Variants in DNAH8 observed in about 807,000 individuals in gnomAD.
DNAH8 encodes the protein axonemal beta dynein heavy chain 8.
Under a neutral mutation model 562.1 loss-of-function variants are expected in DNAH8, and 382 were observed. The ratio of observed to expected loss-of-function variants is 0.68; its 90% CI spans 0.63 to 0.74. The LOEUF (loss-of-function observed/expected upper bound fraction) is 0.74. DNAH8 is among the 30% of genes least tolerant of loss of function. The pLI is 0.00. For synonymous variants in DNAH8, 1,881 were observed against 1,919.4 expected (o/e 0.98, Z 0.52); for missense variants, 5,203 against 5,620.4 (o/e 0.93, Z 2.37).
chr6:38,922,681 A>G (rs537689431), intron 71 of DNAH8, among the ~76,000 whole-genome samples: 1 of 152,302 alleles, frequency 6.6e-6, no homozygotes, highest in African/African-American at 2.4e-5. Context: ...TTTCCAGGAG[A>G]AAATACTTTG....
At chr6:38,907,379 A>G (rs1260289851) in intron 63 of DNAH8, among the ~76,000 whole-genome samples, 1 of 152,244 alleles carries the variant, frequency 6.6e-6, no homozygotes, top group Non-Finnish European at 1.5e-5. Flanking sequence ...CCAAAGTTCC[A>G]GATTCCTAGA....
chr6:38,782,991 C>T lies in DNAH8; in HGVS notation c.2260-13C>T. On this transcript the variant is annotated splice_polypyrimidine_tract_variant and intron_variant, in intron 16 of 92. Transcript: ENST00000327475. ...CAGTCTTTTAAAGTAAATCTTTTCC[C>T]TTAAAAAAACAGAAAAACTCAGACA... 1 of 1,606,620 alleles carries T rather than the reference C, an allele frequency of 6.2e-7. No homozygotes were observed. Among genetic ancestry groups the T allele is most frequent in the Non-Finnish European group, 8.5e-7 (1 of 1,176,692 alleles).
At chr6:38,839,483 A>T (rs1157581996) in intron 33 of DNAH8, among the ~76,000 whole-genome samples, 2 of 151,438 alleles carry the variant, frequency 1.3e-5, no homozygotes, top group East Asian at 3.9e-4. Context: ...CCTCCCAGGT[A>T]GTGGGGATTA....
chr6:38,899,694 C>A, intron 61 of DNAH8, 82 bp from the exon 62 acceptor site: 1 of 1,480,606 alleles, frequency 6.8e-7, no homozygotes, highest in South Asian at 1.2e-5. Context: ...AACATATGAT[C>A]AAAACTTGGG....
chr6:38,987,201 G>C (rs534809762), intron 87 of DNAH8, among the ~76,000 whole-genome samples: 1 of 152,174 alleles, frequency 6.6e-6, no homozygotes, highest in East Asian at 1.9e-4. Flanking sequence ...TGTCTGAGCC[G>C]GGAGCACACG....
intron 11 of DNAH8, among the ~76,000 whole-genome samples, chr6:38,767,438 A>AG (rs1453063114): frequency 1.6e-5 from 1 of 63,390 alleles, no homozygotes; most frequent in South Asian, 4.7e-4. Context: ...ACTCCATCTC[A>AG]GGAAAAAAAA....
At chr6:39,020,074 G>C (rs892570922) in intron 91 of DNAH8, among the ~76,000 whole-genome samples, 1 of 152,178 alleles carries the variant, frequency 6.6e-6, no homozygotes, top group Non-Finnish European at 1.5e-5. Context: ...GCATAAACTA[G>C]CTCAAGGAAA....
intron 45 of DNAH8, among the ~76,000 whole-genome samples, chr6:38,865,325 T>G (rs936287898): frequency 1.3e-5 from 2 of 152,204 alleles, no homozygotes; most frequent in Non-Finnish European, 2.9e-5. Context: ...TCTGAAGTAT[T>G]GATTATAAGT....
intron 32 of DNAH8, among the ~76,000 whole-genome samples, chr6:38,836,653 G>C (rs1045525884): frequency 3.3e-5 from 5 of 151,880 alleles, no homozygotes; most frequent in Admixed American, 2.6e-4. Context: ...GGTCAGATTT[G>C]TAGACACAAC....
chr6:39,015,228 T>C (rs1442475909), intron 91 of DNAH8, among the ~76,000 whole-genome samples: 1 of 152,246 alleles, frequency 6.6e-6, no homozygotes, highest in Non-Finnish European at 1.5e-5. Context: ...TGGCTTTCCA[T>C]AGTCACGAAT....
chr6:38,742,025 TCA>T, intron 8 of DNAH8, 138 bp downstream of exon 8: 1 of 604,602 alleles, frequency 1.7e-6, no homozygotes, highest in East Asian at 3.2e-5. Context: ...TTTACATATA[TCA>T]CAGTTATTTC....
intron 84 of DNAH8, among the ~76,000 whole-genome samples, chr6:38,974,052 G>A (rs1035620825): frequency 6.6e-6 from 1 of 152,122 alleles, no homozygotes; most frequent in Admixed American, 6.5e-5. Flanking sequence ...TCTGATCAAT[G>A]TACTTAGTTT....
intron 60 of DNAH8, among the ~76,000 whole-genome samples, chr6:38,896,818 C>G (rs961418865): frequency 2.0e-5 from 3 of 152,088 alleles, no homozygotes; most frequent in African/African-American, 7.2e-5. Context: ...TGGAGTCTCT[C>G]TCTGTCACCC....
intron 85 of DNAH8, among the ~76,000 whole-genome samples, chr6:38,981,041 G>A (rs1461632555): frequency 6.7e-6 from 1 of 150,038 alleles, no homozygotes; most frequent in African/African-American, 2.5e-5. Context: ...GTGTGTGTGT[G>A]TGTGTGTGTG....
intron 10 of DNAH8, among the ~76,000 whole-genome samples, chr6:38,757,857 C>G (rs1478289018): frequency 6.6e-6 from 1 of 152,106 alleles, no homozygotes; most frequent in Admixed American, 6.5e-5. Context: ...TTTCTGAGGG[C>G]TCTGTTCTGT....
intron 87 of DNAH8, among the ~76,000 whole-genome samples, chr6:38,989,007 C>T (rs1764596428): frequency 6.6e-6 from 1 of 152,216 alleles, no homozygotes; most frequent in Non-Finnish European, 1.5e-5. Context: ...TCTTTGCATT[C>T]TGTTCTGGTT....
chr6:38,929,691 AAG>A lies in DNAH8; in HGVS notation c.11274+27_11274+28del, dbSNP rs1491340313. On this transcript the variant is annotated intron_variant, in intron 75 of 92. Transcript: ENST00000327475. Reference sequence around the variant, plus strand: ...GGTGAGCTTTGTAAAAAAAAAAAAAAAGAAAGAAAGAAAGAAAAGAAAAAGAA... The same window carrying A: ...GGTGAGCTTTGTAAAAAAAAAAAAAAAAAGAAAGAAAGAAAAGAAAAAGAA... 3.0e-5 allele frequency: 44 copies of A among 1,445,526 alleles called. 1 individual carries two copies. In the East Asian group the frequency reaches 5.3e-4, roughly 17 times the overall value. The allele number at this position is 1,445,526 out of a possible 1,614,324, so 89.5% of individuals were successfully genotyped here.
chr6:38,855,858 C>A (rs1776154593), intron 41 of DNAH8, among the ~76,000 whole-genome samples: 1 of 152,140 alleles, frequency 6.6e-6, no homozygotes, highest in African/African-American at 2.4e-5. Flanking sequence ...CCTGTCAGAT[C>A]AACGGCGGCA....
At chr6:38,749,535 TAA>T (rs562568389) in intron 8 of DNAH8, among the ~76,000 whole-genome samples, 94 of 120,312 alleles carry the variant, frequency 7.8e-4, no homozygotes, top group Admixed American at 8.9e-4. Context: ...GAACTTAAAG[TAA>T]AAAAAAAAAA....
Sources: gnomAD v4.1 joint callset for allele counts (sites outside exome capture counted in the v4.1 genomes callset) on GRCh38, gnomAD v4.1.1 for gene constraint, MANE v1.5 for transcripts, NCBI Gene and HGNC (gene_info 2026-07-23, HGNC 2026-07-21) for gene names.